PRSS48: variants seen among roughly 807,000 people sequenced by gnomAD.
The protein encoded by PRSS48 is serine protease 48, also known as epidermis-specific serine protease-like protein.
Under a neutral mutation model 25.6 loss-of-function variants are expected in PRSS48, and 21 were observed. That is an observed-to-expected ratio of 0.82 (90% CI 0.58 to 1.18). The LOEUF (loss-of-function observed/expected upper bound fraction) is 1.18. PRSS48 is among the 50% of genes most tolerant of loss of function. The pLI, the probability that PRSS48 is intolerant of heterozygous loss-of-function variation, is 0.00. For synonymous variants in PRSS48, 150 were observed against 149.3 expected (o/e 1.00, Z -0.04); for missense variants, 373 against 399.3 (o/e 0.93, Z 0.56).
At chr4:151,289,141 T>C (rs1215478034) in intron 4 of PRSS48, among the ~76,000 whole-genome samples, 1 of 152,220 alleles carries the variant, frequency 6.6e-6, no homozygotes, top group Admixed American at 6.5e-5. Context: ...GAACAAATAA[T>C]AGTCATTTCA....
exon 2 of PRSS48, chr4:151,279,880 A>G: frequency 6.7e-7 from 1 of 1,491,828 alleles, no homozygotes; most frequent in Non-Finnish European, 9.4e-7. Flanking sequence ...GTCAGCCTAC[A>G]CTTTGACCAC....
chr4:151,282,126 GCCT>G lies in PRSS48; in HGVS notation c.216-18_216-16del. ...TGACCCAGCTGCAGGCCATAAGCAG[GCCT>G]CCTTTCTTTTCCCCATAGGACCTGG... On this transcript the variant is annotated intron_variant, in intron 2 of 4. Coordinates refer to ENST00000455694, the Ensembl canonical transcript of PRSS48. The G allele has an allele frequency of 6.2e-7, 1 of 1,611,440 alleles. No homozygotes were observed. The highest frequency in any genetic ancestry group is 2.2e-5 in the East Asian group (1 of 44,840).
chr4:151,279,810 G>A, exon 2 of PRSS48: 4 of 1,613,972 alleles, frequency 2.5e-6, no homozygotes, highest in Non-Finnish European at 3.4e-6. Flanking sequence ...TGGGCAACCT[G>A]TATACTCCAG....
exon 1 of PRSS48, chr4:151,277,173 A>G (rs758543029): frequency 1.3e-5 from 19 of 1,482,880 alleles, no homozygotes; most frequent in Non-Finnish European, 1.7e-5. Flanking sequence ...GGACAGAGAC[A>G]TGGGCCCTGC....
chr4:151,284,291 A>T (rs1378970361), intron 4 of PRSS48, among the ~76,000 whole-genome samples: 1 of 152,124 alleles, frequency 6.6e-6, no homozygotes, highest in Non-Finnish European at 1.5e-5. Flanking sequence ...CAAATTGGAT[A>T]TTTTTAAATT....
At chr4:151,280,048 G>C (rs1774045932) in intron 2 of PRSS48, 90 bp downstream of exon 2, 1 of 715,312 alleles carries the variant, frequency 1.4e-6, no homozygotes, top group Non-Finnish European at 2.0e-6. Flanking sequence ...AATGAAAGTG[G>C]TAAAATAGGC....
At chr4:151,290,973 A>G (rs1580425034) in intron 4 of PRSS48, 145 bp from the exon 5 acceptor site, 1 of 585,580 alleles carries the variant, frequency 1.7e-6, no homozygotes, top group East Asian at 2.8e-5. Context: ...TATCTCCCTA[A>G]AGCAGTGATT....
At chr4:151,287,373 T>C (rs1222764547) in intron 4 of PRSS48, among the ~76,000 whole-genome samples, 3 of 147,736 alleles carry the variant, frequency 2.0e-5, no homozygotes, top group Non-Finnish European at 4.5e-5. Context: ...AGGGAACACT[T>C]CCCAACTCAT....
chr4:151,283,154 A>G (rs767937256), exon 4 of PRSS48: 75 of 1,613,750 alleles, frequency 4.6e-5, no homozygotes, highest in Non-Finnish European at 6.4e-5. Flanking sequence ...AAGCAGAAGT[A>G]CCCATTATTG....
At chr4:151,282,696 T>A (rs1272204808) in intron 3 of PRSS48, among the ~76,000 whole-genome samples, 1 of 152,156 alleles carries the variant, frequency 6.6e-6, no homozygotes, top group Non-Finnish European at 1.5e-5. Flanking sequence ...TAAGACTGAT[T>A]TAAAGTTTGG....
chr4:151,291,429 G>A lies in PRSS48; in HGVS notation c.963G>A (p.Trp321Ter), dbSNP rs930140720. 6.2e-7 allele frequency: 1 copy of A among 1,612,800 alleles called. No individual in the cohort carries two copies. Among genetic ancestry groups the A allele is most frequent in the Non-Finnish European group, 8.5e-7 (1 of 1,179,086 alleles). Reference sequence around the variant, plus strand: ...TACAGGGCTGGGAAGAGAATGCATGGAGATTTAGTCCCAGGGGCAGATAAC... The same window carrying A: ...TACAGGGCTGGGAAGAGAATGCATGAAGATTTAGTCCCAGGGGCAGATAAC... The change falls in exon 5 of 5, where the codon TGG (tryptophan) becomes TGA (stop). Residue 321 changes from tryptophan (W) to a stop codon, truncating the protein, a stop_gained. Transcript: ENST00000455694. LOFTEE classifies it high-confidence loss of function.
exon 3 of PRSS48, chr4:151,282,317 G>A: frequency 6.2e-7 from 1 of 1,613,920 alleles, no homozygotes; most frequent in Non-Finnish European, 8.5e-7. Flanking sequence ...CTTCACTTCT[G>A]CCATCCTGCC....
chr4:151,277,886 C>T (rs966096943), intron 1 of PRSS48, among the ~76,000 whole-genome samples: 2 of 152,076 alleles, frequency 1.3e-5, no homozygotes, highest in South Asian at 2.1e-4. Flanking sequence ...ACAAAAAATA[C>T]AAAAATTAGC....
intron 4 of PRSS48, among the ~76,000 whole-genome samples, chr4:151,288,613 G>A (rs1252295209): frequency 6.6e-6 from 1 of 151,838 alleles, no homozygotes; most frequent in Non-Finnish European, 1.5e-5. Flanking sequence ...TGGGCGTAGT[G>A]AGCTGAGATC....
intron 4 of PRSS48, among the ~76,000 whole-genome samples, chr4:151,284,215 T>C (rs1197344723): frequency 1.3e-5 from 2 of 152,202 alleles, no homozygotes; most frequent in Non-Finnish European, 2.9e-5. Context: ...CATAAACTTG[T>C]TAAGTTATAC....
At position 151,283,795 on chromosome 4, in the gene PRSS48, G is replaced by A. The variant is rs1336782112; in HGVS notation, c.651+509G>A. Among the ~76,000 whole-genome samples the A allele has an allele frequency of 2.0e-5, 3 of 152,044 alleles. No homozygotes were observed. The East Asian group carries it at 5.8e-4, about 29-fold the overall frequency. The stretch of plus-strand genomic sequence containing the variant: ...CTCCTTGGGTTGCTAGACTTTTATA[G>A]ACCTGTATATTTTCATAAGTATATT... On this transcript the variant is annotated intron_variant, in intron 4 of 4. Transcript: ENST00000455694.
chr4:151,284,641 GTTGTT>G (rs1359280828), intron 4 of PRSS48, among the ~76,000 whole-genome samples: 4 of 152,138 alleles, frequency 2.6e-5, no homozygotes, highest in African/African-American at 9.7e-5. Context: ...ACGTTTTCCT[GTTGTT>G]TTGTTTACTT....
intron 2 of PRSS48, 142 bp downstream of exon 2, chr4:151,280,100 G>C: frequency 1.0e-6 from 1 of 963,510 alleles, no homozygotes; most frequent in Non-Finnish European, 1.6e-6. Context: ...TATCAAACCC[G>C]AAACAACTAG....
At chr4:151,279,906 G>A (rs369657708) in exon 2 of PRSS48, 1 of 1,613,740 alleles carries the variant, frequency 6.2e-7, no homozygotes, top group Non-Finnish European at 8.5e-7. Flanking sequence ...TATCTGTGGA[G>A]GTTCCCTCGT....
Sources: allele counts gnomAD v4.1 joint callset (sites outside exome capture counted in the v4.1 genomes callset), GRCh38; gene constraint gnomAD v4.1.1; transcripts MANE v1.5; gene names NCBI Gene and HGNC (gene_info 2026-07-23, HGNC 2026-07-21).